The following KCNMA1 variants were observed in gnomAD, a reference collection of about 807,000 sequenced individuals.
KCNMA1 encodes the protein potassium calcium-activated channel subfamily M alpha 1, also known as Calcium-activated potassium channel subunit alpha-1.
Under a neutral mutation model 140.0 loss-of-function variants are expected in KCNMA1, and 29 were observed. The observed-to-expected ratio is 0.21, with a 90% CI of 0.15 to 0.28. The LOEUF is 0.28. KCNMA1 is among the 10% of genes least tolerant of loss of function. The pLI, the probability that KCNMA1 is intolerant of heterozygous loss-of-function variation, is 1.00. For synonymous variants in KCNMA1, 612 were observed against 611.9 expected (o/e 1.00, Z 0.00); for missense variants, 880 against 1,602.2 (o/e 0.55, Z 7.70).
intron 2 of KCNMA1, among the ~76,000 whole-genome samples, chr10:77,256,720 G>A (rs1044892247): frequency 1.3e-5 from 2 of 152,076 alleles, no homozygotes; most frequent in African/African-American, 2.4e-5. Context: ...TGTTTGATCA[G>A]GGTTTATCTG....
intron 1 of KCNMA1, among the ~76,000 whole-genome samples, chr10:77,441,903 G>A (rs2097409709): frequency 6.6e-6 from 1 of 151,992 alleles, no homozygotes; most frequent in African/African-American, 2.4e-5. Context: ...GGATTGGAGA[G>A]TAGGATTTCA....
chr10:77,629,044 TA>T lies in KCNMA1; in HGVS notation c.378+8220del, dbSNP rs565705002. Among the ~76,000 whole-genome samples, 268 of 152,328 alleles carry T rather than the reference TA, an allele frequency of 1.8e-3. 1 individual carries two copies. Among genetic ancestry groups the T allele is most frequent in the African/African-American group, 5.9e-3 (247 of 41,578 alleles). The stretch of plus-strand genomic sequence containing the variant: ...TAGAAAATAAAGGAGATGTGTTAAA[TA>T]ATTTTGATTTTGGCCACGTGAAGAA... On this transcript the variant is annotated intron_variant, in intron 1 of 27. Coordinates refer to ENST00000286628, the MANE Select transcript of KCNMA1 (RefSeq NM_001161352.2).
At chr10:76,962,393 C>A (rs183728565) in intron 20 of KCNMA1, among the ~76,000 whole-genome samples, 1 of 152,248 alleles carries the variant, frequency 6.6e-6, no homozygotes. Context: ...TATGAGCATC[C>A]CATCCAAATT....
chr10:77,134,358 T>C (rs1227083015), intron 5 of KCNMA1, among the ~76,000 whole-genome samples: 2 of 150,652 alleles, frequency 1.3e-5, no homozygotes, highest in African/African-American at 4.9e-5. Flanking sequence ...AAATACTTTA[T>C]CATTAGTTGA....
intron 1 of KCNMA1, among the ~76,000 whole-genome samples, chr10:77,490,429 A>G (rs1389336014): frequency 6.6e-6 from 1 of 152,208 alleles, no homozygotes; most frequent in Non-Finnish European, 1.5e-5. Context: ...ACAGACAGCA[A>G]TGACTTAATA....
rs200038053 is a variant in KCNMA1 at position 76,886,453 on chromosome 10, A to G, written c.*813T>C. 1 of 985,128 alleles carries G rather than the reference A, an allele frequency of 1.0e-6. No homozygotes were observed. Among genetic ancestry groups the G allele is most frequent in the Non-Finnish European group, 1.2e-6 (1 of 829,640 alleles). 61.0% of individuals were successfully genotyped at this position (985,128 alleles called of 1,614,324 possible). A position where few individuals can be genotyped will look rare whatever the true frequency, so the allele number is the denominator to read the frequency against. ...AGTGAAAGAAAAAAAATAGCTATTCATATGGCAACATAAGGAGACAGAATA... is the reference window on the plus strand; with the variant it reads ...AGTGAAAGAAAAAAAATAGCTATTCGTATGGCAACATAAGGAGACAGAATA... On this transcript the variant is annotated 3_prime_UTR_variant, in exon 28 of 28. Transcript: ENST00000286628.
At chr10:77,112,120 C>T (rs141871302) in intron 7 of KCNMA1, among the ~76,000 whole-genome samples, 267 of 152,196 alleles carry the variant, frequency 1.8e-3, no homozygotes, top group African/African-American at 6.2e-3. Flanking sequence ...ACCAAAGCCC[C>T]CATGACAATA....
At chr10:77,286,750 G>A (rs1004391488) in intron 2 of KCNMA1, among the ~76,000 whole-genome samples, 1 of 133,084 alleles carries the variant, frequency 7.5e-6, no homozygotes, top group African/African-American at 3.1e-5. Flanking sequence ...GACTAGGGAC[G>A]GTGTGTGTGT....
intron 1 of KCNMA1, among the ~76,000 whole-genome samples, chr10:77,582,918 T>C (rs947756530): frequency 2.0e-5 from 3 of 152,246 alleles, no homozygotes; most frequent in African/African-American, 7.2e-5. Context: ...CTGACTCATC[T>C]GCACACATGA....
chr10:77,394,184 A>G (rs2154447173), intron 2 of KCNMA1, among the ~76,000 whole-genome samples: 1 of 152,328 alleles, frequency 6.6e-6, no homozygotes, highest in East Asian at 1.9e-4. Context: ...GCCAGAGATG[A>G]GTGGCCAGGA....
At chr10:77,113,211 A>C (rs1407376712) in intron 6 of KCNMA1, among the ~76,000 whole-genome samples, 2 of 123,746 alleles carry the variant, frequency 1.6e-5, no homozygotes, top group Non-Finnish European at 3.1e-5. Flanking sequence ...ACAAATACTC[A>C]ACTCTGTCAC....
At chr10:77,097,874 T>C (rs1221301728) in intron 9 of KCNMA1, among the ~76,000 whole-genome samples, 3 of 152,202 alleles carry the variant, frequency 2.0e-5, no homozygotes, top group Admixed American at 1.3e-4. Flanking sequence ...TGGCAGGCTG[T>C]GCTGCTGTTT....
intron 3 of KCNMA1, among the ~76,000 whole-genome samples, chr10:77,210,805 C>T (rs542102018): frequency 1.3e-5 from 2 of 152,136 alleles, no homozygotes; most frequent in African/African-American, 4.8e-5. Context: ...GAACACAGTC[C>T]CATTGACAAT....
chr10:77,427,812 T>C (rs182324), intron 1 of KCNMA1, among the ~76,000 whole-genome samples: 1 of 152,022 alleles, frequency 6.6e-6, no homozygotes, highest in Non-Finnish European at 1.5e-5. Context: ...TGCAGTGGCA[T>C]GATCTCGGCT....
chr10:77,331,854 C>G (rs780531939), intron 2 of KCNMA1, among the ~76,000 whole-genome samples: 21 of 152,216 alleles, frequency 1.4e-4, no homozygotes, highest in Middle Eastern at 3.4e-3. Flanking sequence ...AACCTGTCCC[C>G]TGTCCCAAAT....
chr10:77,428,003 G>A (rs539484949), intron 1 of KCNMA1, among the ~76,000 whole-genome samples: 13 of 152,004 alleles, frequency 8.6e-5, no homozygotes, highest in African/African-American at 1.4e-4. Context: ...CACCTGCCTC[G>A]GCCTCCCAAA....
intron 20 of KCNMA1, among the ~76,000 whole-genome samples, chr10:76,964,183 G>C (rs543233416): frequency 1.3e-5 from 2 of 151,432 alleles, no homozygotes; most frequent in East Asian, 3.9e-4. Context: ...GCCATCCCTG[G>C]AGCCACACTG....
At chr10:77,416,029 A>C (rs766421619) in intron 1 of KCNMA1, among the ~76,000 whole-genome samples, 5 of 152,142 alleles carry the variant, frequency 3.3e-5, no homozygotes, top group Non-Finnish European at 7.3e-5. Flanking sequence ...TGGCCTTGTG[A>C]TATTCTGTTT....
intron 9 of KCNMA1, among the ~76,000 whole-genome samples, chr10:77,096,407 C>T (rs2096933709): frequency 6.6e-6 from 1 of 152,146 alleles, no homozygotes; most frequent in South Asian, 2.1e-4. Context: ...TCTGCAATCG[C>T]TTCCTAACTG....
Sources: gnomAD v4.1 joint callset for allele counts (sites outside exome capture counted in the v4.1 genomes callset) on GRCh38, gnomAD v4.1.1 for gene constraint, MANE v1.5 for transcripts, NCBI Gene and HGNC (gene_info 2026-07-23, HGNC 2026-07-21) for gene names.